Variants in TNR observed in about 807,000 individuals in gnomAD.
The protein encoded by TNR is tenascin-R.
In TNR, 45 loss-of-function variants were observed where a neutral mutation model predicts 150.4. That is an observed-to-expected ratio of 0.30 (90% CI 0.24 to 0.38). The LOEUF (loss-of-function observed/expected upper bound fraction) is 0.38. TNR is among the 10% of genes least tolerant of loss of function. The pLI, the probability that TNR is intolerant of heterozygous loss-of-function variation, is 1.00. For synonymous variants in TNR, 687 were observed against 678.4 expected (o/e 1.01, Z -0.20); for missense variants, 1,544 against 1,759.1 (o/e 0.88, Z 2.19).
intron 2 of TNR, among the ~76,000 whole-genome samples, chr1:175,521,693 G>T (rs1463146349): frequency 6.6e-6 from 1 of 151,978 alleles, no homozygotes; most frequent in African/African-American, 2.4e-5. Context: ...GAGGTGTCAT[G>T]CTCATTTGGC....
intron 6 of TNR, among the ~76,000 whole-genome samples, chr1:175,391,850 C>A (rs1358833204): frequency 1.3e-5 from 2 of 152,222 alleles, no homozygotes; most frequent in African/African-American, 4.8e-5. Context: ...AGAGGATAGT[C>A]ATGTGTGTTT....
chr1:175,721,147 C>T (rs1355571339), intron 1 of TNR, among the ~76,000 whole-genome samples: 1 of 152,222 alleles, frequency 6.6e-6, no homozygotes, highest in Non-Finnish European at 1.5e-5. Context: ...TTAAATGCCA[C>T]CTCCTCAGGC....
chr1:175,333,934 G>T (rs566852759), intron 20 of TNR, among the ~76,000 whole-genome samples: 1 of 152,184 alleles, frequency 6.6e-6, no homozygotes, highest in Non-Finnish European at 1.5e-5. Flanking sequence ...AGGAAGCATC[G>T]GGGGTTTTGC....
intron 10 of TNR, among the ~76,000 whole-genome samples, chr1:175,366,516 C>T (rs571566418): frequency 7.2e-5 from 11 of 152,328 alleles, no homozygotes; most frequent in Admixed American, 3.9e-4. Flanking sequence ...GCAACAGAAG[C>T]GCACCACCCT....
intron 2 of TNR, among the ~76,000 whole-genome samples, chr1:175,510,103 C>T (rs1472706660): frequency 6.6e-6 from 1 of 151,894 alleles, no homozygotes; most frequent in Non-Finnish European, 1.5e-5. Context: ...GTGGTGCATG[C>T]CTGTAGTCCC....
intron 9 of TNR, among the ~76,000 whole-genome samples, chr1:175,368,689 C>T (rs531684802): frequency 1.3e-5 from 2 of 152,212 alleles, no homozygotes; most frequent in Non-Finnish European, 2.9e-5. Flanking sequence ...GTGGCTCATG[C>T]CTGTAATCCC....
At chr1:175,672,887 C>G (rs1665744909) in intron 1 of TNR, among the ~76,000 whole-genome samples, 1 of 152,182 alleles carries the variant, frequency 6.6e-6, no homozygotes. Context: ...CTCTTTTCCC[C>G]CAATCAACAG....
At chr1:175,667,059 C>T (rs1488849657) in intron 1 of TNR, among the ~76,000 whole-genome samples, 3 of 152,186 alleles carry the variant, frequency 2.0e-5, no homozygotes, top group Non-Finnish European at 4.4e-5. Context: ...AGCCACTCCC[C>T]TCTTTTAATC....
In TNR at chr1:175,486,864, C is replaced by T. The variant is rs866722684; in HGVS notation, c.-64+41405G>A. On this transcript the variant is annotated intron_variant, in intron 2 of 22. Transcript: ENST00000367674. ...CATTGTGGTTTTGATTTGCATTTCTCTAATGACCAGTGATGATGAACTTTT... is the reference window on the plus strand; with the variant it reads ...CATTGTGGTTTTGATTTGCATTTCTTTAATGACCAGTGATGATGAACTTTT... Among the ~76,000 whole-genome samples, 38 of 152,330 alleles carry T rather than the reference C, an allele frequency of 2.5e-4. 1 individual carries two copies. The highest frequency in any genetic ancestry group is 8.9e-4 in the African/African-American group (37 of 41,570).
chr1:175,718,787 G>A (rs970391824), intron 1 of TNR, among the ~76,000 whole-genome samples: 8 of 152,150 alleles, frequency 5.3e-5, no homozygotes, highest in Non-Finnish European at 7.3e-5. Flanking sequence ...CTTGTCTAAC[G>A]TAACACAGGT....
At chr1:175,367,352 G>A in intron 9 of TNR, 55 bp from the exon 10 acceptor site, 2 of 1,462,408 alleles carry the variant, frequency 1.4e-6, no homozygotes, top group Non-Finnish European at 1.9e-6. Context: ...GGGCTAGGAA[G>A]GCTGAAAGTG....
intron 2 of TNR, among the ~76,000 whole-genome samples, chr1:175,454,315 T>G (rs1290423061): frequency 6.6e-6 from 1 of 152,180 alleles, no homozygotes; most frequent in East Asian, 1.9e-4. Context: ...CATTCATCCA[T>G]TCATTCACAG....
At chr1:175,499,506 C>T (rs899187784) in intron 2 of TNR, among the ~76,000 whole-genome samples, 1 of 152,172 alleles carries the variant, frequency 6.6e-6, no homozygotes, top group Non-Finnish European at 1.5e-5. Flanking sequence ...ATGTGCAGCC[C>T]CTGTTCACCT....
intron 1 of TNR, among the ~76,000 whole-genome samples, chr1:175,713,386 AT>A (rs939663350): frequency 2.0e-5 from 3 of 151,522 alleles, no homozygotes; most frequent in East Asian, 3.9e-4. Flanking sequence ...CTTGCAGAAG[AT>A]TTTTTTTTCA....
At chr1:175,635,382 G>T (rs1189638801) in intron 1 of TNR, among the ~76,000 whole-genome samples, 5 of 152,244 alleles carry the variant, frequency 3.3e-5, no homozygotes, top group African/African-American at 1.2e-4. Context: ...TTCTCCAGTT[G>T]GGATTTGTCC....
chr1:175,371,839 C>T (rs969344224), intron 9 of TNR, among the ~76,000 whole-genome samples: 1 of 152,136 alleles, frequency 6.6e-6, no homozygotes, highest in Non-Finnish European at 1.5e-5. Context: ...GGTTCCCATC[C>T]CTGAGTCTTA....
chr1:175,392,368 G>T (rs1653216462), intron 6 of TNR, among the ~76,000 whole-genome samples: 1 of 152,136 alleles, frequency 6.6e-6, no homozygotes, highest in South Asian at 2.1e-4. Context: ...AAATCAGTGT[G>T]ATGAATGCTC....
chr1:175,354,671 C>G, intron 17 of TNR, 148 bp from the exon 18 acceptor site: 1 of 1,080,860 alleles, frequency 9.3e-7, no homozygotes, highest in Non-Finnish European at 1.3e-6. Flanking sequence ...ATAAGGATTA[C>G]TGCACCAATA....
intron 1 of TNR, among the ~76,000 whole-genome samples, chr1:175,548,240 C>G (rs1660791643): frequency 6.6e-6 from 1 of 152,046 alleles, no homozygotes; most frequent in African/African-American, 2.4e-5. Context: ...GTTTTAGAAC[C>G]CTGTCTCTCC....
Sources: gnomAD v4.1 joint callset for allele counts (sites outside exome capture counted in the v4.1 genomes callset) on GRCh38, gnomAD v4.1.1 for gene constraint, MANE v1.5 for transcripts, NCBI Gene and HGNC (gene_info 2026-07-23, HGNC 2026-07-21) for gene names.